Variants in FSTL5 observed in about 807,000 individuals in gnomAD.
FSTL5 encodes follistatin like 5.
Under a neutral mutation model 89.1 loss-of-function variants are expected in FSTL5, and 62 were observed. The observed-to-expected ratio is 0.70, with a 90% CI of 0.57 to 0.86. The LOEUF (loss-of-function observed/expected upper bound fraction) is 0.86. FSTL5 is among the 40% of genes least tolerant of loss of function. The probability of loss-of-function intolerance (pLI) is 0.00; values close to 1 mark genes in which losing one functional copy is unlikely to be tolerated. For missense variants in FSTL5, 1,057 were observed against 1,001.6 expected (o/e 1.06, Z -0.75); for synonymous variants, 383 against 346.2 (o/e 1.11, Z -1.18).
At chr4:162,097,939 C>T (rs1053671900) in intron 2 of FSTL5, among the ~76,000 whole-genome samples, 4 of 151,684 alleles carry the variant, frequency 2.6e-5, no homozygotes, top group African/African-American at 9.7e-5. Context: ...CACTATGAGC[C>T]GGCAATCCAC....
intron 6 of FSTL5, among the ~76,000 whole-genome samples, chr4:161,719,482 A>C (rs547271101): frequency 6.6e-6 from 1 of 152,246 alleles, no homozygotes; most frequent in East Asian, 1.9e-4. Flanking sequence ...CTATTTAGGA[A>C]ATTTTTAGAA....
chr4:161,637,925 T>C (rs1323770042), intron 7 of FSTL5, among the ~76,000 whole-genome samples: 1 of 145,120 alleles, frequency 6.9e-6, no homozygotes, highest in African/African-American at 2.6e-5. Flanking sequence ...TCTTTTGGCT[T>C]AGGATTGACT....
At chr4:161,856,705 G>A (rs1284083384) in intron 4 of FSTL5, among the ~76,000 whole-genome samples, 1 of 151,078 alleles carries the variant, frequency 6.6e-6, no homozygotes, top group Non-Finnish European at 1.5e-5. Flanking sequence ...TACGTGTATG[G>A]CAAGCAAGTA....
intron 12 of FSTL5, 26 bp downstream of exon 12, chr4:161,499,990 G>A (rs376066840): frequency 1.4e-5 from 19 of 1,377,448 alleles, no homozygotes; most frequent in South Asian, 4.8e-5. Context: ...TGCATAAAAC[G>A]TCAAAGGAAC....
At chr4:161,805,151 T>A (rs546554241) in intron 4 of FSTL5, among the ~76,000 whole-genome samples, 1 of 152,218 alleles carries the variant, frequency 6.6e-6, no homozygotes, top group African/African-American at 2.4e-5. Flanking sequence ...CAATAGCTAC[T>A]TTCTTTATAC....
intron 3 of FSTL5, among the ~76,000 whole-genome samples, chr4:161,962,676 C>A (rs370111390): frequency 6.6e-6 from 1 of 151,760 alleles, no homozygotes. Context: ...TAAGTTGATG[C>A]CCTGTCTTTT....
chr4:161,854,226 A>G (rs1670665442), intron 4 of FSTL5, among the ~76,000 whole-genome samples: 1 of 152,174 alleles, frequency 6.6e-6, no homozygotes, highest in Non-Finnish European at 1.5e-5. Flanking sequence ...CTGAGGAAAG[A>G]AAAAAGATGA....
At chr4:161,844,122 G>T (rs192551372) in intron 4 of FSTL5, among the ~76,000 whole-genome samples, 1 of 152,092 alleles carries the variant, frequency 6.6e-6, no homozygotes, top group African/African-American at 2.4e-5. Flanking sequence ...CCATCAAAAA[G>T]TGGGCAAAGG....
chr4:162,130,027 G>C (rs183152500), intron 1 of FSTL5, among the ~76,000 whole-genome samples: 1 of 152,110 alleles, frequency 6.6e-6, no homozygotes, highest in Admixed American at 6.5e-5. Flanking sequence ...AGCCTAGAGG[G>C]ATAAAGTCCA....
At chr4:161,649,187 T>C (rs534647353) in intron 7 of FSTL5, among the ~76,000 whole-genome samples, 1 of 152,176 alleles carries the variant, frequency 6.6e-6, no homozygotes, top group Non-Finnish European at 1.5e-5. Context: ...AAAACCTATA[T>C]AATGAGAAAG....
At chr4:161,728,555 C>T (rs573876603) in intron 6 of FSTL5, among the ~76,000 whole-genome samples, 2 of 151,990 alleles carry the variant, frequency 1.3e-5, no homozygotes, top group African/African-American at 4.8e-5. Flanking sequence ...TTCGAGGGAA[C>T]ATACATGAGA....
intron 2 of FSTL5, among the ~76,000 whole-genome samples, chr4:162,099,841 A>G (rs529161984): frequency 3.9e-5 from 6 of 152,192 alleles, no homozygotes; most frequent in Non-Finnish European, 7.4e-5. Flanking sequence ...TAAACATCAT[A>G]TGTCATTAGG....
At chr4:161,524,248 G>A (rs567348375) in intron 10 of FSTL5, among the ~76,000 whole-genome samples, 2 of 152,124 alleles carry the variant, frequency 1.3e-5, no homozygotes, top group South Asian at 4.1e-4. Flanking sequence ...ATATAGCCTG[G>A]AAGCCCACCC....
At chr4:162,066,355 C>CTTCTTCTTGTTCTTCTT (rs1553996329) in intron 2 of FSTL5, among the ~76,000 whole-genome samples, 2 of 61,166 alleles carry the variant, frequency 3.3e-5, no homozygotes, top group African/African-American at 1.2e-4. Flanking sequence ...TTCTTCTTCT[C>CTTCTTCTTGTTCTTCTT]CTTCTTCTTC....
intron 7 of FSTL5, among the ~76,000 whole-genome samples, chr4:161,621,267 T>TAC (rs146037793): frequency 0.16 from 23,597 of 145,856 alleles, 2,180 homozygotes; most frequent in Non-Finnish European, 0.23. Context: ...ATGTAAAGAC[T>TAC]ACACACACAC....
intron 1 of FSTL5, among the ~76,000 whole-genome samples, chr4:162,120,275 A>G (rs1407469312): frequency 1.3e-5 from 2 of 152,148 alleles, no homozygotes; most frequent in Non-Finnish European, 2.9e-5. Context: ...TGTTTCAAAT[A>G]GAAATGTTTA....
intron 3 of FSTL5, among the ~76,000 whole-genome samples, chr4:161,980,088 AAAAG>A (rs1339725793): frequency 3.6e-5 from 5 of 139,484 alleles, no homozygotes; most frequent in African/African-American, 1.2e-4. Flanking sequence ...AAAGAAAGAA[AAAAG>A]AAAAAGAAAG....
At chr4:161,399,569 C>A (rs955514271) in intron 15 of FSTL5, among the ~76,000 whole-genome samples, 2 of 151,564 alleles carry the variant, frequency 1.3e-5, no homozygotes, top group African/African-American at 4.8e-5. Context: ...CTTTTTTTTT[C>A]ATATTATGAC....
At chr4:161,671,950 G>T (rs1737129379) in intron 6 of FSTL5, among the ~76,000 whole-genome samples, 1 of 152,146 alleles carries the variant, frequency 6.6e-6, no homozygotes, top group Non-Finnish European at 1.5e-5. Flanking sequence ...CAGAAGGAAA[G>T]CAATCTGATT....
Sources: allele counts gnomAD v4.1 joint callset (sites outside exome capture counted in the v4.1 genomes callset), GRCh38; gene constraint gnomAD v4.1.1; transcripts MANE v1.5; gene names NCBI Gene and HGNC (gene_info 2026-07-23, HGNC 2026-07-21).